Variants in CASZ1 observed in about 807,000 individuals in gnomAD.
CASZ1 encodes castor zinc finger 1, also known as zinc finger protein castor homolog 1.
Under a neutral mutation model 135.2 loss-of-function variants are expected in CASZ1, and 28 were observed. The observed-to-expected ratio is 0.21, with a 90% CI of 0.15 to 0.28. The LOEUF is 0.28. Among genes scored for constraint, CASZ1 ranks in the 10% least tolerant of loss-of-function variants. CASZ1 has a pLI of 1.00. For synonymous variants in CASZ1, 1,068 were observed against 1,073.4 expected (o/e 0.99, Z 0.10); for missense variants, 2,161 against 2,453.3 (o/e 0.88, Z 2.52).
rs1278330594 is a variant in CASZ1, at chr1:10,788,967, T to C, written c.-234+7597A>G. Among the ~76,000 whole-genome samples, 1 of 152,068 alleles carries C rather than the reference T, an allele frequency of 6.6e-6. No individual in the cohort carries two copies. Among genetic ancestry groups the C allele is most frequent in the Non-Finnish European group, 1.5e-5 (1 of 68,004 alleles). ...GAGCTGAGCTCTAGCCACCACTCTG[T>C]CCCTCCTGCTTCTCACAGTGGCCAC... On this transcript the variant is annotated intron_variant, in intron 1 of 20. Transcript: ENST00000377022. The surrounding 1 kb of genome is among the most constrained non-coding windows in gnomAD (Gnocchi z 4.1).
At chr1:10,737,931 A>G (rs936339660) in intron 2 of CASZ1, among the ~76,000 whole-genome samples, 2 of 152,236 alleles carry the variant, frequency 1.3e-5, no homozygotes, top group African/African-American at 4.8e-5. Flanking sequence ...TGGGGACACA[A>G]GCTCAGCCCT....
intron 4 of CASZ1, among the ~76,000 whole-genome samples, chr1:10,685,095 T>G (rs284259): frequency 0.044 from 6,636 of 152,350 alleles, 504 homozygotes; most frequent in African/African-American, 0.15. Flanking sequence ...ACTATTACAT[T>G]GGAAATTACT....
At chr1:10,743,119 C>T (rs1054669864) in intron 2 of CASZ1, among the ~76,000 whole-genome samples, 1 of 152,216 alleles carries the variant, frequency 6.6e-6, no homozygotes, top group Non-Finnish European at 1.5e-5. Flanking sequence ...AATAGGAGTC[C>T]CTATGGTCCC....
intron 1 of CASZ1, among the ~76,000 whole-genome samples, chr1:10,784,259 C>A (rs1056205548): frequency 6.6e-6 from 1 of 152,164 alleles, no homozygotes; most frequent in African/African-American, 2.4e-5. Context: ...CCCCGCCCTC[C>A]ATCTCTATCA....
chr1:10,719,268 C>A lies in CASZ1; in HGVS notation c.-76-13724G>T, dbSNP rs929171135. Reference sequence around the variant, plus strand: ...AGCCTGAGGTTCGGAGAAGGGAGGTCTGCCAGCAAGGCACAGCTCCTAAGA... The same window carrying A: ...AGCCTGAGGTTCGGAGAAGGGAGGTATGCCAGCAAGGCACAGCTCCTAAGA... On this transcript the variant is annotated intron_variant, in intron 2 of 20. Transcript: ENST00000377022. The surrounding 1 kb of genome is among the most constrained non-coding windows in gnomAD (Gnocchi z 4.0). Among the ~76,000 whole-genome samples the A allele has an allele frequency of 6.6e-6, 1 of 152,234 alleles. No individual in the cohort carries two copies. The highest frequency in any genetic ancestry group is 1.5e-5 in the Non-Finnish European group (1 of 68,052).
intron 1 of CASZ1, among the ~76,000 whole-genome samples, chr1:10,764,035 G>A (rs1557558698): frequency 6.6e-6 from 1 of 152,148 alleles, no homozygotes; most frequent in Non-Finnish European, 1.5e-5. Flanking sequence ...GCTAATTTTT[G>A]TATTTTTAGT....
intron 2 of CASZ1, among the ~76,000 whole-genome samples, chr1:10,738,088 G>A (rs1342254135): frequency 6.6e-6 from 1 of 152,226 alleles, no homozygotes; most frequent in African/African-American, 2.4e-5. Context: ...TGGCAAGGGT[G>A]GGGGTGGGGA....
chr1:10,772,531 A>C (rs1052538446), intron 1 of CASZ1, among the ~76,000 whole-genome samples: 6 of 152,156 alleles, frequency 3.9e-5, no homozygotes, highest in African/African-American at 1.4e-4. Context: ...TACCACATGG[A>C]AGACTCTGGG....
In CASZ1 at chr1:10,706,244, G is replaced by A. The variant is rs908628204; in HGVS notation, c.-76-700C>T. ...ACACGCGGCCTGGCCCAGCGTGCCA[G>A]GCTGGGGCCCTCCTGCCCAGATAAT... On this transcript the variant is annotated intron_variant, in intron 2 of 20. Coordinates refer to ENST00000377022, the MANE Select transcript of CASZ1 (RefSeq NM_001079843.3). The surrounding 1 kb of genome is among the most constrained non-coding windows in gnomAD (Gnocchi z 4.3). Among the ~76,000 whole-genome samples, 2 of 152,216 alleles carry A rather than the reference G, an allele frequency of 1.3e-5. No homozygotes were observed. Among genetic ancestry groups the A allele is most frequent in the African/African-American group, 2.4e-5 (1 of 41,458 alleles).
At chr1:10,790,620 G>A (rs1250348371) in intron 1 of CASZ1, among the ~76,000 whole-genome samples, 1 of 152,136 alleles carries the variant, frequency 6.6e-6, no homozygotes, top group Non-Finnish European at 1.5e-5. Flanking sequence ...TATTTTCAAT[G>A]CCAAAAGCCT....
intron 1 of CASZ1, among the ~76,000 whole-genome samples, chr1:10,765,682 G>T (rs1485964398): frequency 6.6e-6 from 1 of 152,172 alleles, no homozygotes; most frequent in Non-Finnish European, 1.5e-5. Context: ...TTAGATTTCT[G>T]AGGGAGAGAG....
rs995219784 is a variant in CASZ1 at position 10,676,847 on chromosome 1, G to C, written c.17-11276C>G. Among the ~76,000 whole-genome samples, 2 of 152,182 alleles carry C rather than the reference G, an allele frequency of 1.3e-5. No homozygotes were observed. The highest frequency in any genetic ancestry group is 2.9e-5 in the Non-Finnish European group (2 of 68,024). On this transcript the variant is annotated intron_variant, in intron 4 of 20. Coordinates refer to ENST00000377022, the MANE Select transcript of CASZ1 (RefSeq NM_001079843.3). This position sits in a 1 kb window ranked among gnomAD's most constrained non-coding sequence, Gnocchi z 4.5. Reference sequence around the variant, plus strand: ...GACTCTCTCTAACATCCTGTCTCCCGGGATCTAGGTCCTGGCAGCTGGCGG... The same window carrying C: ...GACTCTCTCTAACATCCTGTCTCCCCGGATCTAGGTCCTGGCAGCTGGCGG...
intron 4 of CASZ1, among the ~76,000 whole-genome samples, chr1:10,684,052 G>C (rs561993863): frequency 1.3e-5 from 2 of 152,332 alleles, no homozygotes; most frequent in East Asian, 3.9e-4. Flanking sequence ...CAGTATCTCC[G>C]GGCCTCCAGC....
rs995258900 is a variant in CASZ1, at chr1:10,647,626, G to T, written c.3497+175C>A. ...TGGCCTGCTCTGGGACAGGCAGTGA[G>T]GTAGGAGCAGCAGCATCTTTGGCTA... On this transcript the variant is annotated intron_variant, in intron 16 of 20. Coordinates refer to ENST00000377022, the MANE Select transcript of CASZ1 (RefSeq NM_001079843.3). The surrounding 1 kb of genome is among the most constrained non-coding windows in gnomAD (Gnocchi z 4.9). The T allele has an allele frequency of 2.0e-4, 295 of 1,458,286 alleles. No individual in the cohort carries two copies. Among genetic ancestry groups the T allele is most frequent in the Non-Finnish European group, 5.3e-5 (59 of 1,108,414 alleles). 90.3% of individuals were successfully genotyped at this position (1,458,286 alleles called of 1,614,324 possible).
Position 10,756,615 on chromosome 1 carries a change from A to G in CASZ1, c.-77+4086T>C, listed in dbSNP as rs1338131368. 2.0e-5 allele frequency among the ~76,000 whole-genome samples: 3 copies of G among 152,176 alleles called. No individual in the cohort carries two copies. The highest frequency in any genetic ancestry group is 7.2e-5 in the African/African-American group (3 of 41,448). On this transcript the variant is annotated intron_variant, in intron 2 of 20. Coordinates refer to ENST00000377022, the MANE Select transcript of CASZ1 (RefSeq NM_001079843.3). The surrounding 1 kb of genome is among the most constrained non-coding windows in gnomAD (Gnocchi z 5.9). The stretch of plus-strand genomic sequence containing the variant: ...GCCTGCCCCAACCTGGCCCTCACAG[A>G]TGGTGTCAGGACCCAGGAGAGTGGA...
rs992637969 is a variant in CASZ1 at position 10,655,891 on chromosome 1, G to C, written c.1501-78C>G. ...TCCTCCCATATGCCAAGAGCACCTGGGCCAGGTGCTGGCCTCAGGTCTCCC... is the reference window on the plus strand; with the variant it reads ...TCCTCCCATATGCCAAGAGCACCTGCGCCAGGTGCTGGCCTCAGGTCTCCC... On this transcript the variant is annotated intron_variant, in intron 8 of 20. Transcript: ENST00000377022. 8 of 1,477,710 alleles carry C rather than the reference G, an allele frequency of 5.4e-6. No homozygotes were observed. In the African/African-American group the frequency reaches 9.7e-5, roughly 18 times the overall value. 91.5% of individuals were successfully genotyped at this position (1,477,710 alleles called of 1,614,324 possible). A position where few individuals can be genotyped will look rare whatever the true frequency, so the allele number is the denominator to read the frequency against.
In CASZ1 at chr1:10,666,225, A is replaced by G. The variant is rs1046859231; in HGVS notation, c.17-654T>C. ...ACCTGACTCCAACCCTGCTCAGCAG[A>G]GAGCAGAGATCTCCTTTTCTCCCAG... On this transcript the variant is annotated intron_variant, in intron 4 of 20. Transcript: ENST00000377022. The surrounding 1 kb of genome is among the most constrained non-coding windows in gnomAD (Gnocchi z 5.2). 2.0e-5 allele frequency among the ~76,000 whole-genome samples: 3 copies of G among 152,138 alleles called. No individual in the cohort carries two copies. The highest frequency in any genetic ancestry group is 7.2e-5 in the African/African-American group (3 of 41,438).
rs36012614 is a variant in CASZ1 at position 10,734,278 on chromosome 1, G to GAAA, written c.-77+26420_-77+26422dup. 6.1e-3 allele frequency among the ~76,000 whole-genome samples: 621 copies of GAAA among 101,772 alleles called. 30 individuals carry two copies. The East Asian group carries it at 0.12, about 20-fold the overall frequency. The allele number at this position is 101,772 out of a possible 152,430, so 66.8% of individuals were successfully genotyped here. On this transcript the variant is annotated intron_variant, in intron 2 of 20. Coordinates refer to ENST00000377022, the MANE Select transcript of CASZ1 (RefSeq NM_001079843.3). ...AAGTCACCTGCCTGGGAAGAAGCAA[G>GAAA]AAAAAAAAAAAAAAAAATCCCATGG...
chr1:10,692,334 C>T (rs1638794576), intron 4 of CASZ1, among the ~76,000 whole-genome samples: 1 of 152,210 alleles, frequency 6.6e-6, no homozygotes, highest in South Asian at 2.1e-4. Context: ...TCTCCTGCCC[C>T]AGGTAAGGGG....
Sources: allele counts gnomAD v4.1 joint callset (sites outside exome capture counted in the v4.1 genomes callset), GRCh38; gene constraint gnomAD v4.1.1; non-coding constraint Gnocchi (gnomAD v3.1); transcripts MANE v1.5; gene names NCBI Gene and HGNC (gene_info 2026-07-23, HGNC 2026-07-21).